The following DIP2A variants were observed in gnomAD, a reference collection of about 807,000 sequenced individuals.
DIP2A encodes the protein disco-interacting protein 2 homolog A.
In DIP2A, 85 loss-of-function variants were observed where a neutral mutation model predicts 177.4. The ratio of observed to expected loss-of-function variants is 0.48; its 90% CI spans 0.40 to 0.57. DIP2A has a LOEUF of 0.57. Ranked by LOEUF, DIP2A falls within the 20% of genes least tolerant of loss-of-function variation. The probability of loss-of-function intolerance (pLI) is 0.00; values close to 1 mark genes in which losing one functional copy is unlikely to be tolerated. For missense variants in DIP2A, 1,791 were observed against 2,100.2 expected (o/e 0.85, Z 2.88); for synonymous variants, 886 against 881.8 (o/e 1.00, Z -0.08).
intron 1 of DIP2A, among the ~76,000 whole-genome samples, chr21:46,468,941 C>T (rs553406016): frequency 1.3e-5 from 2 of 152,108 alleles, no homozygotes; most frequent in Non-Finnish European, 2.9e-5. Flanking sequence ...TTGTTTAATT[C>T]CTGTCTTTCT....
intron 1 of DIP2A, among the ~76,000 whole-genome samples, chr21:46,470,968 C>T (rs868448881): frequency 2.0e-5 from 3 of 150,990 alleles, no homozygotes; most frequent in African/African-American, 7.3e-5. Flanking sequence ...TATTTGGTCA[C>T]TCTTCTATGT....
At chr21:46,564,601 G>A (rs1481458527) in intron 35 of DIP2A, among the ~76,000 whole-genome samples, 1 of 152,220 alleles carries the variant, frequency 6.6e-6, no homozygotes, top group African/African-American at 2.4e-5. Flanking sequence ...CACGTTCCTA[G>A]TCCTATCCTC....
chr21:46,497,944 C>G (rs2057443644), intron 4 of DIP2A, among the ~76,000 whole-genome samples: 1 of 152,044 alleles, frequency 6.6e-6, no homozygotes, highest in African/African-American at 2.4e-5. Context: ...ATTGTAAAAC[C>G]CATAATGAAA....
chr21:46,462,348 T>C (rs986707731), intron 1 of DIP2A: 1 of 152,220 alleles, frequency 6.6e-6, no homozygotes, highest in Admixed American at 6.5e-5. Context: ...GATTTTTGGC[T>C]TCTTCACACA....
At chr21:46,547,123 C>T (rs2060085574) in intron 21 of DIP2A, 81 bp downstream of exon 21, 14 of 1,544,488 alleles carry the variant, frequency 9.1e-6, no homozygotes, top group Non-Finnish European at 1.1e-5. Flanking sequence ...AGATGGAAAG[C>T]CCAGCAAACT....
rs943747997 is a variant in DIP2A at position 46,557,170 on chromosome 21, G to A, written c.3629+101G>A. On this transcript the variant is annotated intron_variant, in intron 30 of 37. Transcript: ENST00000417564. The surrounding 1 kb of genome is among the most constrained non-coding windows in gnomAD (Gnocchi z 6.0). ...ACCTTTTCTGGGTGCTCAGGAAGCC[G>A]ATGAGATGTGTGTGAGTGGGTTTGT... The A allele has an allele frequency of 1.4e-5, 19 of 1,353,648 alleles. No individual in the cohort carries two copies. Among genetic ancestry groups the A allele is most frequent in the South Asian group, 7.2e-5 (5 of 69,414 alleles). The allele number at this position is 1,353,648 out of a possible 1,614,324, so 83.9% of individuals were successfully genotyped here. A position where few individuals can be genotyped will look rare whatever the true frequency, so the allele number is the denominator to read the frequency against.
chr21:46,551,536 T>G, intron 23 of DIP2A, 98 bp from the exon 24 acceptor site: 1 of 1,072,024 alleles, frequency 9.3e-7, no homozygotes. Flanking sequence ...AAATGCCTCA[T>G]TCAAGTATGT....
chr21:46,463,906 C>T (rs2054565963), intron 1 of DIP2A, among the ~76,000 whole-genome samples: 2 of 151,618 alleles, frequency 1.3e-5, no homozygotes, highest in South Asian at 4.2e-4. Context: ...GACAGGATTT[C>T]ACCATATTGG....
the DIP2A span, among the ~76,000 whole-genome samples, chr21:46,578,455 C>T: frequency 6.6e-6 from 1 of 152,212 alleles, no homozygotes; most frequent in African/African-American, 2.4e-5. Context: ...TTATTTCTTT[C>T]TCTTGCCTGA....
At chr21:46,523,110 A>G (rs1208007964) in intron 8 of DIP2A, among the ~76,000 whole-genome samples, 2 of 151,734 alleles carry the variant, frequency 1.3e-5, no homozygotes, top group Non-Finnish European at 2.9e-5. Context: ...TTTTTAGTAG[A>G]GATGGGGTTT....
At chr21:46,512,139 G>A (rs532730788) in intron 8 of DIP2A, among the ~76,000 whole-genome samples, 32 of 152,152 alleles carry the variant, frequency 2.1e-4, no homozygotes, top group African/African-American at 5.3e-4. Flanking sequence ...TTAAACAAGT[G>A]TTCTTTTAGT....
At chr21:46,517,691 A>C (rs969491633) in intron 8 of DIP2A, among the ~76,000 whole-genome samples, 1 of 152,310 alleles carries the variant, frequency 6.6e-6, no homozygotes, top group Non-Finnish European at 1.5e-5. Flanking sequence ...CTCCTGCTGC[A>C]CACAGCCAGA....
chr21:46,536,516 T>C (rs2059578112), intron 13 of DIP2A, among the ~76,000 whole-genome samples: 1 of 152,152 alleles, frequency 6.6e-6, no homozygotes, highest in South Asian at 2.1e-4. Flanking sequence ...TGAGGAGATG[T>C]GGTGTAGAGT....
intron 36 of DIP2A, 143 bp downstream of exon 36, chr21:46,566,030 G>C: frequency 2.9e-6 from 3 of 1,030,218 alleles, no homozygotes; most frequent in Non-Finnish European, 4.3e-6. Context: ...TCTGACAGCA[G>C]TTTTCTCTGA....
intron 1 of DIP2A, among the ~76,000 whole-genome samples, chr21:46,476,557 G>C (rs1454784089): frequency 6.6e-6 from 1 of 152,058 alleles, no homozygotes; most frequent in Non-Finnish European, 1.5e-5. Context: ...AGTAAGTGTA[G>C]GAGTCAATGT....
chr21:46,490,504 C>A, intron 2 of DIP2A, 96 bp from the exon 3 acceptor site: 1 of 1,385,664 alleles, frequency 7.2e-7, no homozygotes, highest in Non-Finnish European at 9.7e-7. Flanking sequence ...AGAGGGTATG[C>A]AACAGATGAG....
chr21:46,516,566 C>T (rs1252465827), intron 8 of DIP2A, among the ~76,000 whole-genome samples: 5 of 136,104 alleles, frequency 3.7e-5, no homozygotes, highest in African/African-American at 1.4e-4. Flanking sequence ...GATGTCAGCT[C>T]ACTGCAAGCT....
At chr21:46,533,137 C>T (rs1287060758) in intron 10 of DIP2A, among the ~76,000 whole-genome samples, 2 of 152,168 alleles carry the variant, frequency 1.3e-5, no homozygotes, top group African/African-American at 2.4e-5. Flanking sequence ...AATTTAATAT[C>T]GTTGGTGACC....
intron 1 of DIP2A, chr21:46,469,075 C>G (rs538185294): frequency 1.3e-5 from 2 of 152,286 alleles, no homozygotes; most frequent in East Asian, 3.9e-4. Flanking sequence ...CTCATTGTAT[C>G]ACTCTTGTAG....
Sources: allele counts gnomAD v4.1 joint callset (sites outside exome capture counted in the v4.1 genomes callset), GRCh38; gene constraint gnomAD v4.1.1; non-coding constraint Gnocchi (gnomAD v3.1); transcripts MANE v1.5; gene names NCBI Gene and HGNC (gene_info 2026-07-23, HGNC 2026-07-21).